Variants in MMP16 observed in about 807,000 individuals in gnomAD.
The protein encoded by MMP16 is matrix metalloproteinase-16.
A neutral mutation model predicts 67.8 loss-of-function variants in MMP16; 12 were observed. That is an observed-to-expected ratio of 0.18 (90% CI 0.11 to 0.29). The LOEUF is 0.29. Among genes scored for constraint, MMP16 ranks in the 10% least tolerant of loss-of-function variants. MMP16 has a pLI of 1.00. For missense variants in MMP16, 475 were observed against 765.7 expected, an observed-to-expected ratio of 0.62 and a Z score of 4.48; for synonymous variants, 249 against 255.9, an observed-to-expected ratio of 0.97 and a Z score of 0.26.
chr8:88,308,399 G>A (rs1022758250), intron 1 of MMP16, among the ~76,000 whole-genome samples: 1 of 152,014 alleles, frequency 6.6e-6, no homozygotes, highest in Non-Finnish European at 1.5e-5. Flanking sequence ...GTGGTTTCAG[G>A]ATCATGTCAG....
At chr8:88,199,316 T>G (rs1224057599) in intron 1 of MMP16, among the ~76,000 whole-genome samples, 1 of 152,050 alleles carries the variant, frequency 6.6e-6, no homozygotes, top group Non-Finnish European at 1.5e-5. Context: ...TTCAAACAAA[T>G]GTTTTAAAAT....
chr8:88,155,365 T>C (rs1000538357), intron 4 of MMP16, among the ~76,000 whole-genome samples: 6 of 152,118 alleles, frequency 3.9e-5, no homozygotes, highest in African/African-American at 1.2e-4. Flanking sequence ...TTTTATTTTT[T>C]AGTCCTTTGG....
intron 6 of MMP16, among the ~76,000 whole-genome samples, chr8:88,093,841 C>T (rs80325049): frequency 6.6e-6 from 1 of 151,884 alleles, no homozygotes; most frequent in East Asian, 2.0e-4. Context: ...TGATATTTTC[C>T]TCCCTTTATT....
At chr8:88,186,776 A>G (rs544652349) in intron 2 of MMP16, among the ~76,000 whole-genome samples, 178 bp from the exon 3 acceptor site, 2 of 152,172 alleles carry the variant, frequency 1.3e-5, no homozygotes, top group Non-Finnish European at 2.9e-5. Flanking sequence ...GAATCTAAGT[A>G]GATAGCATAG....
chr8:88,038,574 T>C lies in MMP16; in HGVS notation c.*2887A>G, dbSNP rs1229230993. The C allele has an allele frequency of 6.6e-6, 1 of 152,580 alleles. No individual in the cohort carries two copies. Among genetic ancestry groups the C allele is most frequent in the Non-Finnish European group, 1.5e-5 (1 of 67,988 alleles). The allele number at this position is 152,580 out of a possible 1,614,324, so 9.5% of individuals were successfully genotyped here. Reference sequence around the variant, plus strand: ...ATGGAGTTCCTCAATGATTTGCACATGTCCCAAAATGACACAGTTCCTCAT... The same window carrying C: ...ATGGAGTTCCTCAATGATTTGCACACGTCCCAAAATGACACAGTTCCTCAT... On this transcript the variant is annotated 3_prime_UTR_variant, in exon 10 of 10. Coordinates refer to ENST00000286614, the MANE Select transcript of MMP16 (RefSeq NM_005941.5). The surrounding 1 kb of genome is among the most constrained non-coding windows in gnomAD (Gnocchi z 4.1).
At chr8:88,044,234 C>T (rs1016384139) in intron 9 of MMP16, among the ~76,000 whole-genome samples, 2 of 152,070 alleles carry the variant, frequency 1.3e-5, no homozygotes, top group African/African-American at 4.8e-5. Context: ...TTGCTTGAGC[C>T]CAGGAGTTCA....
At chr8:88,196,697 CT>C (rs1309646988) in intron 2 of MMP16, among the ~76,000 whole-genome samples, 1 of 152,138 alleles carries the variant, frequency 6.6e-6, no homozygotes, top group African/African-American at 2.4e-5. Flanking sequence ...GACGCTGCCC[CT>C]CCTACCCAAA....
In MMP16 at chr8:88,057,649, G is replaced by A. The variant is rs115797687; in HGVS notation, c.1223-1371C>T. Among the ~76,000 whole-genome samples, 866 of 152,070 alleles carry A rather than the reference G, an allele frequency of 5.7e-3. 5 individuals carry two copies. Among genetic ancestry groups the A allele is most frequent in the African/African-American group, 0.02 (823 of 41,470 alleles). ...AGGGTCTTCAAAAAATTTTAAAAAC[G>A]TGCTCTCAACACAAAATAAGCAAAC... On this transcript the variant is annotated intron_variant, in intron 7 of 9. Coordinates refer to ENST00000286614, the MANE Select transcript of MMP16 (RefSeq NM_005941.5).
intron 6 of MMP16, among the ~76,000 whole-genome samples, chr8:88,094,909 T>C (rs901305430): frequency 3.3e-5 from 5 of 151,852 alleles, no homozygotes; most frequent in Admixed American, 1.3e-4. Flanking sequence ...CTTCAGAAAC[T>C]GCTTGTCAAA....
At chr8:88,262,273 A>G (rs532299792) in intron 1 of MMP16, among the ~76,000 whole-genome samples, 16 of 152,382 alleles carry the variant, frequency 1.0e-4, no homozygotes, top group Middle Eastern at 3.4e-3. Flanking sequence ...ACATTTTACT[A>G]AAGCAAGAAA....
chr8:88,326,867 T>G, intron 1 of MMP16: 1 of 529,674 alleles, frequency 1.9e-6, no homozygotes, highest in Non-Finnish European at 3.3e-6. Flanking sequence ...GCATCGTGCT[T>G]TGTGCTGCCG....
chr8:88,042,851 C>T (rs995989388), intron 9 of MMP16, among the ~76,000 whole-genome samples: 5 of 151,854 alleles, frequency 3.3e-5, no homozygotes, highest in South Asian at 2.1e-4. Flanking sequence ...TCTTTCTGTC[C>T]ACAGCTCATT....
chr8:88,282,177 C>T (rs1052818837), intron 1 of MMP16, among the ~76,000 whole-genome samples: 5 of 150,548 alleles, frequency 3.3e-5, no homozygotes, highest in African/African-American at 9.9e-5. Flanking sequence ...CGGACTCAAG[C>T]GATTCTCCTG....
At chr8:88,279,305 T>C (rs940950724) in intron 1 of MMP16, among the ~76,000 whole-genome samples, 1 of 152,062 alleles carries the variant, frequency 6.6e-6, no homozygotes, top group Non-Finnish European at 1.5e-5. Context: ...AATGATAATA[T>C]ATCCGCCATA....
chr8:88,199,886 C>T (rs1212692607), intron 1 of MMP16, among the ~76,000 whole-genome samples: 4 of 151,790 alleles, frequency 2.6e-5, no homozygotes, highest in African/African-American at 9.7e-5. Flanking sequence ...ACTGGTTGTG[C>T]CTTAATGTCT....
intron 6 of MMP16, among the ~76,000 whole-genome samples, chr8:88,108,693 C>A (rs1298895040): frequency 6.6e-6 from 1 of 151,182 alleles, no homozygotes; most frequent in Non-Finnish European, 1.5e-5. Flanking sequence ...AATTACTGTC[C>A]TTTTACATGT....
chr8:88,117,271 T>A (rs1487514503), intron 5 of MMP16, among the ~76,000 whole-genome samples: 1 of 152,166 alleles, frequency 6.6e-6, no homozygotes, highest in African/African-American at 2.4e-5. Context: ...GAAGAGTGTT[T>A]CCTCTAAGTC....
chr8:88,110,534 T>C (rs1809316768), intron 6 of MMP16, among the ~76,000 whole-genome samples: 1 of 151,606 alleles, frequency 6.6e-6, no homozygotes, highest in African/African-American at 2.4e-5. Context: ...TACAACATGC[T>C]ATTAATATTA....
intron 4 of MMP16, among the ~76,000 whole-genome samples, chr8:88,119,199 T>G (rs893155219): frequency 1.3e-5 from 2 of 152,042 alleles, no homozygotes; most frequent in African/African-American, 4.8e-5. Flanking sequence ...ACGTGAAACA[T>G]CTTACTTTTA....
Sources: allele counts gnomAD v4.1 joint callset (sites outside exome capture counted in the v4.1 genomes callset), GRCh38; gene constraint gnomAD v4.1.1; non-coding constraint Gnocchi (gnomAD v3.1); transcripts MANE v1.5; gene names NCBI Gene and HGNC (gene_info 2026-07-23, HGNC 2026-07-21).